Variants in TTC29 observed in about 807,000 individuals in gnomAD.
TTC29 encodes tetratricopeptide repeat protein 29.
A neutral mutation model predicts 58.1 loss-of-function variants in TTC29; 49 were observed. That is an observed-to-expected ratio of 0.84 (90% CI 0.67 to 1.07). TTC29 has a LOEUF of 1.07. Ranked by LOEUF, TTC29 falls within the 50% of genes least tolerant of loss-of-function variation. TTC29 has a pLI of 0.00. For synonymous variants in TTC29, 209 were observed against 196.8 expected, an observed-to-expected ratio of 1.06 and a Z score of -0.52; for missense variants, 582 against 555.6, an observed-to-expected ratio of 1.05 and a Z score of -0.48.
At chr4:146,886,440 T>C (rs1004104946) in intron 6 of TTC29, among the ~76,000 whole-genome samples, 2 of 152,126 alleles carry the variant, frequency 1.3e-5, no homozygotes, top group African/African-American at 2.4e-5. Flanking sequence ...TCCTTTATAA[T>C]GCATAATCTG....
intron 4 of TTC29, among the ~76,000 whole-genome samples, chr4:146,935,365 G>A (rs377400876): frequency 2.6e-5 from 4 of 152,162 alleles, no homozygotes; most frequent in East Asian, 3.9e-4. Context: ...CAAATATATC[G>A]ATCACCATCT....
At chr4:146,778,998 A>AAAAAAGAAAAGAAAAG (rs1748353668) in intron 11 of TTC29, among the ~76,000 whole-genome samples, 1 of 119,434 alleles carries the variant, frequency 8.4e-6, no homozygotes, top group African/African-American at 3.7e-5. Flanking sequence ...AAAAAAAAAA[A>AAAAAAGAAAAGAAAAG]AAAAAGAAAA....
chr4:146,755,064 T>C (rs1746338786), intron 11 of TTC29, among the ~76,000 whole-genome samples: 1 of 152,048 alleles, frequency 6.6e-6, no homozygotes, highest in Non-Finnish European at 1.5e-5. Flanking sequence ...AAAATCAACA[T>C]ACAATATCAT....
chr4:146,852,391 T>C (rs558203329), intron 8 of TTC29, among the ~76,000 whole-genome samples: 2 of 152,286 alleles, frequency 1.3e-5, no homozygotes, highest in African/African-American at 2.4e-5. Context: ...ACAACATCAG[T>C]AGTTAGAGGC....
intron 8 of TTC29, among the ~76,000 whole-genome samples, chr4:146,866,634 C>T (rs529867233): frequency 2.7e-4 from 41 of 152,168 alleles, no homozygotes; most frequent in African/African-American, 9.4e-4. Flanking sequence ...GAATGCTAAT[C>T]ATTAATTAAA....
chr4:146,869,843 A>G (rs544369524), intron 7 of TTC29, among the ~76,000 whole-genome samples: 103 of 152,290 alleles, frequency 6.8e-4, no homozygotes, highest in African/African-American at 2.3e-3. Context: ...CAAAGTTAAG[A>G]TAAAATGAAA....
At chr4:146,912,901 G>A (rs2150289950) in intron 4 of TTC29, among the ~76,000 whole-genome samples, 1 of 152,312 alleles carries the variant, frequency 6.6e-6, no homozygotes, top group African/African-American at 2.4e-5. Context: ...TATCAAGGGT[G>A]AAGGAAAGGG....
intron 10 of TTC29, among the ~76,000 whole-genome samples, chr4:146,814,750 A>G (rs112231573): frequency 9.5e-4 from 133 of 139,766 alleles, no homozygotes; most frequent in African/African-American, 3.0e-3. Flanking sequence ...AAAAAAAAAA[A>G]GGGGAGGGGG....
At chr4:146,737,476 A>T (rs965863167) in intron 11 of TTC29, among the ~76,000 whole-genome samples, 1 of 151,874 alleles carries the variant, frequency 6.6e-6, no homozygotes, top group Non-Finnish European at 1.5e-5. Context: ...AATGACAGTA[A>T]GAACTGTTCT....
chr4:146,720,020 C>T (rs1027572845), intron 11 of TTC29, among the ~76,000 whole-genome samples: 13 of 152,082 alleles, frequency 8.5e-5, no homozygotes, highest in Admixed American at 3.3e-4. Flanking sequence ...CCATTTATTA[C>T]AACATCTTCA....
chr4:146,801,978 C>CAAAAAAAAAA (rs57486017), intron 11 of TTC29, among the ~76,000 whole-genome samples: 4 of 38,798 alleles, frequency 1.0e-4, no homozygotes, highest in Non-Finnish European at 1.3e-4. Flanking sequence ...GACTCTGTCT[C>CAAAAAAAAAA]AAAAAAAAAA....
At chr4:146,798,886 CAAAAAA>C (rs70958529) in intron 11 of TTC29, among the ~76,000 whole-genome samples, 1 of 18,272 alleles carries the variant, frequency 5.5e-5, no homozygotes, top group Non-Finnish European at 1.0e-4. Flanking sequence ...GACTCCGTCT[CAAAAAA>C]AAAAAAAAAA....
At chr4:146,808,634 C>A (rs535419674) in intron 10 of TTC29, among the ~76,000 whole-genome samples, 1 of 152,156 alleles carries the variant, frequency 6.6e-6, no homozygotes, top group South Asian at 2.1e-4. Flanking sequence ...CTCCCATTCA[C>A]AATTGCTACA....
chr4:146,856,792 A>C (rs1178399023), intron 8 of TTC29, among the ~76,000 whole-genome samples: 1 of 151,460 alleles, frequency 6.6e-6, no homozygotes, highest in East Asian at 1.9e-4. Flanking sequence ...AATGAAAAAA[A>C]ATTCAATTTA....
intron 6 of TTC29, among the ~76,000 whole-genome samples, chr4:146,891,087 T>C (rs1156881881): frequency 1.2e-4 from 18 of 151,920 alleles, no homozygotes; most frequent in Non-Finnish European, 2.4e-4. Context: ...GGCTCAGAAG[T>C]TTATTAGTCA....
intron 7 of TTC29, among the ~76,000 whole-genome samples, chr4:146,872,703 C>G (rs1178615084): frequency 6.6e-6 from 1 of 151,882 alleles, no homozygotes; most frequent in African/African-American, 2.4e-5. Flanking sequence ...ATTACACCTA[C>G]TAGGATGAGT....
intron 7 of TTC29, among the ~76,000 whole-genome samples, chr4:146,873,678 T>A (rs898171910): frequency 6.6e-6 from 1 of 152,210 alleles, no homozygotes; most frequent in Admixed American, 6.6e-5. Flanking sequence ...GGGAAGGTAC[T>A]AGACCATTTA....
chr4:146,722,030 G>C (rs1047209987), intron 11 of TTC29, among the ~76,000 whole-genome samples: 3 of 145,394 alleles, frequency 2.1e-5, no homozygotes, highest in African/African-American at 7.7e-5. Context: ...TTCAAGCTGA[G>C]AGTCAAATCA....
chr4:146,873,110 C>T (rs1467418031), intron 7 of TTC29, among the ~76,000 whole-genome samples: 1 of 152,068 alleles, frequency 6.6e-6, no homozygotes, highest in Admixed American at 6.6e-5. Context: ...TCAACGTACC[C>T]TAACAAAGGA....
Sources: gnomAD v4.1 joint callset for allele counts (sites outside exome capture counted in the v4.1 genomes callset) on GRCh38, gnomAD v4.1.1 for gene constraint, MANE v1.5 for transcripts, NCBI Gene and HGNC (gene_info 2026-07-23, HGNC 2026-07-21) for gene names.